TBC1D20: variants seen among roughly 807,000 people sequenced by gnomAD.
The protein encoded by TBC1D20 is chromosome 20 open reading frame 140.
A neutral mutation model predicts 41.6 loss-of-function variants in TBC1D20; 12 were observed. The observed-to-expected ratio is 0.29, with a 90% confidence interval of 0.18 to 0.47. The LOEUF is 0.47. Ranked by LOEUF, TBC1D20 falls within the 20% of genes least tolerant of loss-of-function variation. The pLI is 1.00. For missense variants in TBC1D20, 421 were observed against 517.4 expected (o/e 0.81, Z 1.81); for synonymous variants, 205 against 204.8 (o/e 1.00, Z -0.01).
chr20:440,664 T>G (rs2017211223), intron 5 of TBC1D20: 1 of 354,134 alleles, frequency 2.8e-6, no homozygotes, highest in East Asian at 5.4e-5. Flanking sequence ...GAGAAGCAGT[T>G]GTTTTCAGAG....
intron 1 of TBC1D20, among the ~76,000 whole-genome samples, chr20:459,541 TAA>T (rs2017595688): frequency 6.6e-6 from 1 of 152,228 alleles, no homozygotes; most frequent in African/African-American, 2.4e-5. Flanking sequence ...CTGCAAAATA[TAA>T]GACTGCTATA....
chr20:449,780 G>C (rs2017411903), intron 1 of TBC1D20, among the ~76,000 whole-genome samples: 3 of 152,198 alleles, frequency 2.0e-5, no homozygotes. Context: ...CTAAATATTA[G>C]CTCCCCTCCT....
chr20:445,373 G>T (rs2017313207), intron 2 of TBC1D20, among the ~76,000 whole-genome samples: 1 of 152,170 alleles, frequency 6.6e-6, no homozygotes, highest in Non-Finnish European at 1.5e-5. Context: ...AATACAGCAG[G>T]GTGGGAAGGA....
At chr20:448,143 G>A in intron 1 of TBC1D20, 69 bp from the exon 2 acceptor site, 2 of 1,161,530 alleles carry the variant, frequency 1.7e-6, no homozygotes, top group South Asian at 1.3e-5. Context: ...TAGGACTCAA[G>A]CTCCTTTTTG....
chr20:456,574 T>G (rs1485709614), intron 1 of TBC1D20, among the ~76,000 whole-genome samples: 1 of 152,222 alleles, frequency 6.6e-6, no homozygotes, highest in Non-Finnish European at 1.5e-5. Context: ...TCTTCTTCTT[T>G]TTTTTTGAGA....
intron 1 of TBC1D20, among the ~76,000 whole-genome samples, chr20:455,355 C>T (rs1286148314): frequency 6.6e-6 from 1 of 152,122 alleles, no homozygotes; most frequent in African/African-American, 2.4e-5. Flanking sequence ...CTTCTGGGCA[C>T]ACCTATAATC....
intron 3 of TBC1D20, among the ~76,000 whole-genome samples, chr20:444,578 T>C (rs906451079): frequency 7.2e-5 from 11 of 152,222 alleles, no homozygotes; most frequent in African/African-American, 2.7e-4. Flanking sequence ...TTTTTATTTA[T>C]TTATTTTTTT....
intron 1 of TBC1D20, among the ~76,000 whole-genome samples, chr20:459,793 A>T (rs1452982921): frequency 6.6e-6 from 1 of 152,122 alleles, no homozygotes; most frequent in Non-Finnish European, 1.5e-5. Context: ...TAACAATGGG[A>T]CACTTCATCT....
chr20:447,653 G>A (rs192693369), intron 2 of TBC1D20, among the ~76,000 whole-genome samples: 21 of 152,106 alleles, frequency 1.4e-4, no homozygotes, highest in African/African-American at 4.6e-4. Context: ...GCAAGACTCC[G>A]TCTCAAAAAT....
intron 1 of TBC1D20, among the ~76,000 whole-genome samples, chr20:450,034 G>A (rs2017416067): frequency 6.6e-6 from 1 of 151,972 alleles, no homozygotes; most frequent in African/African-American, 2.4e-5. Flanking sequence ...TTTTCCTGTT[G>A]TTTAAATAGG....
chr20:449,325 G>A (rs1379226963), intron 1 of TBC1D20, among the ~76,000 whole-genome samples: 3 of 148,912 alleles, frequency 2.0e-5, no homozygotes, highest in Non-Finnish European at 3.0e-5. Flanking sequence ...GGCTGGGCAC[G>A]GTGGCTCATG....
chr20:448,300 A>T (rs1180146368), intron 1 of TBC1D20, among the ~76,000 whole-genome samples: 1 of 152,208 alleles, frequency 6.6e-6, no homozygotes, highest in African/African-American at 2.4e-5. Context: ...AACAGATTTT[A>T]AATCACCGAT....
At chr20:449,475 A>C (rs1171258670) in intron 1 of TBC1D20, among the ~76,000 whole-genome samples, 1 of 136,778 alleles carries the variant, frequency 7.3e-6, no homozygotes, top group Non-Finnish European at 1.5e-5. Context: ...TGCACCTGTA[A>C]TCCCAGCTAC....
chr20:462,331 C>T lies in TBC1D20; in HGVS notation c.70+5G>A, dbSNP rs1178418538. The T allele has an allele frequency of 1.5e-6, 2 of 1,298,906 alleles. No homozygotes were observed. The highest frequency in any genetic ancestry group is 1.5e-5 in the African/African-American group (1 of 65,160). The allele number at this position is 1,298,906 out of a possible 1,614,324, so 80.5% of individuals were successfully genotyped here. A position where few individuals can be genotyped will look rare whatever the true frequency, so the allele number is the denominator to read the frequency against. ...CGCTCCCGGCGCCCCGGTCGGCTTCCGTACCTGCCTTCTCCGCGCCGCCGT... is the reference window on the plus strand; with the variant it reads ...CGCTCCCGGCGCCCCGGTCGGCTTCTGTACCTGCCTTCTCCGCGCCGCCGT... On this transcript the variant is annotated splice_donor_5th_base_variant and intron_variant, in intron 1 of 7. Coordinates refer to ENST00000354200, the MANE Select transcript of TBC1D20 (RefSeq NM_144628.4).
At chr20:441,250 T>C (rs770116060) in intron 5 of TBC1D20, 5 of 223,568 alleles carry the variant, frequency 2.2e-5, no homozygotes, top group Non-Finnish European at 3.5e-5. Context: ...AAACAACCCA[T>C]TGTTGGCCTT....
Position 462,508 on chromosome 20 carries a change from C to T in TBC1D20, c.-103G>A, listed in dbSNP as rs6107369. The T allele has an allele frequency of 1.2e-4, 75 of 644,542 alleles. No homozygotes were observed. The highest frequency in any genetic ancestry group is 1.6e-4 in the African/African-American group (8 of 51,104). 39.9% of individuals were successfully genotyped at this position (644,542 alleles called of 1,614,324 possible). ...GTAGCACCCGCTCGGCATCGGCAGG[C>T]TCCCCTCCGTCGGCCAGCGGCGCGC... On this transcript the variant is annotated 5_prime_UTR_variant, in exon 1 of 8. Transcript: ENST00000354200.
chr20:442,825 C>A (rs1404664798), intron 3 of TBC1D20, among the ~76,000 whole-genome samples: 1 of 152,150 alleles, frequency 6.6e-6, no homozygotes, highest in African/African-American at 2.4e-5. Context: ...AGGCCAGGCG[C>A]GGTGGCTCAC....
Position 443,975 on chromosome 20 carries a change from C to T in TBC1D20, c.337+1075G>A, listed in dbSNP as rs572969131. Among the ~76,000 whole-genome samples the T allele has an allele frequency of 3.9e-5, 6 of 151,986 alleles. No homozygotes were observed. In the East Asian group the frequency reaches 1.2e-3, roughly 29 times the overall value. Reference sequence around the variant, plus strand: ...CCCATCTCTATTAAAAACACACACACACAAAATTAGCTGGGCGTGGTGGCG... The same window carrying T: ...CCCATCTCTATTAAAAACACACACATACAAAATTAGCTGGGCGTGGTGGCG... On this transcript the variant is annotated intron_variant, in intron 3 of 7. Coordinates refer to ENST00000354200, the MANE Select transcript of TBC1D20 (RefSeq NM_144628.4).
In TBC1D20 at chr20:445,156, G is replaced by A; in HGVS notation, c.257-26C>T. 4 of 1,556,254 alleles carry A rather than the reference G, an allele frequency of 2.6e-6. No individual in the cohort carries two copies. The South Asian group carries it at 3.5e-5, about 14-fold the overall frequency. Reference sequence around the variant, plus strand: ...CTATTGAAGGAAAAGGCACGTTATTGCAGGAATGCCTGAGAAGCCAGACCA... The same window carrying A: ...CTATTGAAGGAAAAGGCACGTTATTACAGGAATGCCTGAGAAGCCAGACCA... On this transcript the variant is annotated intron_variant, in intron 2 of 7. Coordinates refer to ENST00000354200, the MANE Select transcript of TBC1D20 (RefSeq NM_144628.4).
Sources: allele counts gnomAD v4.1 joint callset (sites outside exome capture counted in the v4.1 genomes callset), GRCh38; gene constraint gnomAD v4.1.1; transcripts MANE v1.5; gene names NCBI Gene and HGNC (gene_info 2026-07-23, HGNC 2026-07-21).